SLC12A2: variants seen among roughly 807,000 people sequenced by gnomAD.
SLC12A2 encodes the protein Na-K-2Cl cotransporter 1.
In SLC12A2, 67 loss-of-function variants were observed where a neutral mutation model predicts 136.3. That is an observed-to-expected ratio of 0.49 (90% CI 0.40 to 0.60). The LOEUF (loss-of-function observed/expected upper bound fraction) is 0.60, where lower values mean the gene tolerates loss of function less well. SLC12A2 is among the 20% of genes least tolerant of loss of function. The probability of loss-of-function intolerance (pLI) is 0.00; values close to 1 mark genes in which losing one functional copy is unlikely to be tolerated. For missense variants in SLC12A2, 1,322 were observed against 1,534.7 expected, an observed-to-expected ratio of 0.86 and a Z score of 2.32; for synonymous variants, 619 against 562.9, an observed-to-expected ratio of 1.10 and a Z score of -1.41.
intron 16 of SLC12A2, among the ~76,000 whole-genome samples, chr5:128,160,380 A>C (rs78014970): frequency 6.6e-6 from 1 of 152,234 alleles, no homozygotes; most frequent in African/African-American, 2.4e-5. Flanking sequence ...TCAGAACTTA[A>C]AGTTTTATAT....
At chr5:128,142,058 G>T (rs1762384639) in intron 10 of SLC12A2, 77 bp downstream of exon 10, 4 of 1,195,998 alleles carry the variant, frequency 3.3e-6, no homozygotes, top group Non-Finnish European at 3.6e-6. Flanking sequence ...TGACCATTCA[G>T]AATATAGCTG....
intron 18 of SLC12A2, chr5:128,171,011 G>C (rs1380177654): frequency 6.6e-6 from 1 of 151,626 alleles, no homozygotes; most frequent in Non-Finnish European, 1.5e-5. Flanking sequence ...CAGGAGGATT[G>C]CTTGAAACCG....
At chr5:128,100,528 G>A (rs572810247) in intron 1 of SLC12A2, among the ~76,000 whole-genome samples, 1 of 152,270 alleles carries the variant, frequency 6.6e-6, no homozygotes, top group South Asian at 2.1e-4. Context: ...CTGGTCCCAT[G>A]CATTTTGGAC....
Position 128,084,792 on chromosome 5 carries a change from T to A in SLC12A2, c.756+82T>A, listed in dbSNP as rs1760022391. On this transcript the variant is annotated intron_variant, in intron 1 of 26. Coordinates refer to ENST00000262461, the MANE Select transcript of SLC12A2 (RefSeq NM_001046.3). The surrounding 1 kb of genome is among the most constrained non-coding windows in gnomAD (Gnocchi z 5.6). ...ATGTGGCTGCAGACTCTTCCCGAGT[T>A]GAGGTGGCGGGAGTAGTAGACGTGC... 2 of 1,424,768 alleles carry A rather than the reference T, an allele frequency of 1.4e-6. No individual in the cohort carries two copies. The highest frequency in any genetic ancestry group is 1.9e-6 in the Non-Finnish European group (2 of 1,074,308). 88.3% of individuals were successfully genotyped at this position (1,424,768 alleles called of 1,614,324 possible).
chr5:128,134,759 C>A (rs1762133327), intron 6 of SLC12A2, among the ~76,000 whole-genome samples: 1 of 152,018 alleles, frequency 6.6e-6, no homozygotes, highest in Non-Finnish European at 1.5e-5. Flanking sequence ...TACCCATAAG[C>A]AGAGCACCCA....
intron 1 of SLC12A2, among the ~76,000 whole-genome samples, chr5:128,103,057 T>C (rs2126655721): frequency 6.6e-6 from 1 of 152,382 alleles, no homozygotes; most frequent in Non-Finnish European, 1.5e-5. Context: ...AACGTTTTTA[T>C]ACGAGTATCT....
chr5:128,138,563 C>A lies in SLC12A2; in HGVS notation c.1409-34C>A, dbSNP rs765288130. ...CAGTTATTATAGTCTAATTTGCTCT[C>A]CATTAATTGTCAAGAATATTTTGTT... On this transcript the variant is annotated intron_variant, in intron 7 of 26. Transcript: ENST00000262461. 4 of 1,589,036 alleles carry A rather than the reference C, an allele frequency of 2.5e-6. No individual in the cohort carries two copies. In the South Asian group the frequency reaches 3.5e-5, roughly 14 times the overall value.
intron 8 of SLC12A2, 22 bp from the exon 9 acceptor site, chr5:128,138,801 TA>T (rs1285494547): frequency 1.2e-6 from 2 of 1,605,758 alleles, no homozygotes; most frequent in Non-Finnish European, 1.7e-6. Flanking sequence ...AGATAGACTT[TA>T]AAAAATCTTC....
intron 4 of SLC12A2, among the ~76,000 whole-genome samples, chr5:128,129,847 T>C (rs934936280): frequency 6.6e-6 from 1 of 152,186 alleles, no homozygotes; most frequent in African/African-American, 2.4e-5. Context: ...AAAAGAGCTC[T>C]TAGAGACTTC....
At position 128,097,663 on chromosome 5, in the gene SLC12A2, T is replaced by C. The variant is rs917301390; in HGVS notation, c.756+12953T>C. On this transcript the variant is annotated intron_variant, in intron 1 of 26. Transcript: ENST00000262461. ...TCATTGAATTTCTTCAGCTGAAATA[T>C]AGGAATTTTAAAACAGTACTTTCTC... Among the ~76,000 whole-genome samples, 13 of 152,116 alleles carry C rather than the reference T, an allele frequency of 8.5e-5. 1 individual carries two copies. Among genetic ancestry groups the C allele is most frequent in the Admixed American group, 7.9e-4 (12 of 15,254 alleles).
Position 128,131,084 on chromosome 5 carries a change from A to G in SLC12A2, c.1066A>G (p.Ile356Val). 1.2e-6 allele frequency: 2 copies of G among 1,613,984 alleles called. No individual in the cohort carries two copies. The highest frequency in any genetic ancestry group is 1.3e-5 in the African/African-American group (1 of 75,038). Residue 356 changes from isoleucine to valine, a missense_variant, in exon 5 of 27, where the codon ATA (isoleucine) becomes GTA (valine). By Grantham distance (29) the Ile-to-Val change is conservative. Around this residue, in one of 8 missense-constraint regions of SLC12A2, gnomAD observed 71 missense variants for 131.0 expected, o/e 0.54. Coordinates refer to ENST00000262461, the MANE Select transcript of SLC12A2 (RefSeq NM_001046.3). ...GTTTTTAGGAGGAGCATATTATTTA[A>G]TATCTAGAAGTCTAGGGCCAGAATT... ...FVRGGGAYYL[I>V]SRSLGPEFGG...
At chr5:128,151,751 A>G (rs1158035051) in intron 14 of SLC12A2, among the ~76,000 whole-genome samples, 1 of 152,152 alleles carries the variant, frequency 6.6e-6, no homozygotes, top group Non-Finnish European at 1.5e-5. Context: ...GTACTGTAGT[A>G]GCTGTATAGC....
chr5:128,117,076 C>T (rs1761377676), intron 4 of SLC12A2, among the ~76,000 whole-genome samples: 1 of 152,124 alleles, frequency 6.6e-6, no homozygotes. Flanking sequence ...TAATAAATGA[C>T]CAGCTCAGTG....
chr5:128,152,810 G>A lies in SLC12A2; in HGVS notation c.2363+5G>A, dbSNP rs781036509. ...AGACCACGTGAAAAACTTTAGGTAA[G>A]TGATAAAGAAGGAAACATGGAAGCA... On this transcript the variant is annotated splice_donor_5th_base_variant and intron_variant, in intron 15 of 26. Transcript: ENST00000262461. 7.0e-6 allele frequency: 11 copies of A among 1,569,952 alleles called. No homozygotes were observed. The highest frequency in any genetic ancestry group is 5.5e-5 in the South Asian group (5 of 90,162).
intron 3 of SLC12A2, 69 bp from the exon 4 acceptor site, chr5:128,114,517 C>T: frequency 3.7e-6 from 4 of 1,083,460 alleles, no homozygotes; most frequent in Non-Finnish European, 5.6e-6. Context: ...CTTAGACCAA[C>T]CAGTTTTAGA....
In SLC12A2 at chr5:128,149,916, C is replaced by T. The variant is rs563793127; in HGVS notation, c.2006-81C>T. 1.6e-5 allele frequency: 15 copies of T among 964,280 alleles called. No individual in the cohort carries two copies. In the African/African-American group the frequency reaches 1.6e-4, roughly 10 times the overall value. The allele number at this position is 964,280 out of a possible 1,614,324, so 59.7% of individuals were successfully genotyped here. ...TGGTTATGGGGTGTTACGTTGTTATCTAAAGATTTGAAATACTTCATAATT... is the reference window on the plus strand; with the variant it reads ...TGGTTATGGGGTGTTACGTTGTTATTTAAAGATTTGAAATACTTCATAATT... On this transcript the variant is annotated intron_variant, in intron 12 of 26. Transcript: ENST00000262461.
chr5:128,089,547 C>G (rs1433395720), intron 1 of SLC12A2, among the ~76,000 whole-genome samples: 1 of 152,084 alleles, frequency 6.6e-6, no homozygotes. Context: ...GAGGGGGACC[C>G]CTTGGGGATT....
At chr5:128,119,427 G>T (rs1175736312) in intron 4 of SLC12A2, among the ~76,000 whole-genome samples, 1 of 152,172 alleles carries the variant, frequency 6.6e-6, no homozygotes, top group Non-Finnish European at 1.5e-5. Flanking sequence ...ACTAGTTTCA[G>T]CTTTCTACAT....
At position 128,184,393 on chromosome 5, in the gene SLC12A2, G is replaced by C. The variant is rs1467820657; in HGVS notation, c.3327G>C (p.Glu1109Asp). The C allele has an allele frequency of 6.3e-7, 1 of 1,577,344 alleles. No individual in the cohort carries two copies. The highest frequency in any genetic ancestry group is 1.2e-5 in the South Asian group (1 of 85,534). The change falls in exon 25 of 27, where the codon GAG becomes GAC. Residue 1109 changes from glutamate (E) to aspartate (D), a missense_variant. By Grantham distance (45) the Glu-to-Asp change is conservative. Coordinates refer to ENST00000262461, the MANE Select transcript of SLC12A2 (RefSeq NM_001046.3). ...TTATAGCTTTTGAGGAAATCATTGA[G>C]CCATACAGACTTCATGAAGATGATA... Reference protein sequence around the residue: ...ENIIAFEEIIEPYRLHEDDKE... With the variant: ...ENIIAFEEIIDPYRLHEDDKE...
Sources: gnomAD v4.1 joint callset for allele counts (sites outside exome capture counted in the v4.1 genomes callset) on GRCh38, gnomAD v4.1.1 for gene constraint, gnomAD v4.1.1 regional missense constraint, Gnocchi (gnomAD v3.1) non-coding constraint, MANE v1.5 for transcripts, NCBI Gene and HGNC (gene_info 2026-07-23, HGNC 2026-07-21) for gene names.